The following LIMD1 variants were observed in gnomAD, a reference collection of about 807,000 sequenced individuals.
LIMD1 encodes the protein LIM domain-containing protein 1.
Under a neutral mutation model 58.4 loss-of-function variants are expected in LIMD1, and 23 were observed. That is an observed-to-expected ratio of 0.39 (90% CI 0.28 to 0.56). LIMD1 has a LOEUF of 0.56. Ranked by LOEUF, LIMD1 falls within the 20% of genes least tolerant of loss-of-function variation. LIMD1 has a pLI of 0.57. For synonymous variants in LIMD1, 334 were observed against 345.5 expected (o/e 0.97, Z 0.37); for missense variants, 838 against 855.5 (o/e 0.98, Z 0.25).
chr3:45,609,674 T>C, intron 1 of LIMD1, among the ~76,000 whole-genome samples: 1 of 152,206 alleles, frequency 6.6e-6, no homozygotes. Flanking sequence ...AAAAAGTAGT[T>C]CCAAGCCAGG....
chr3:45,601,982 G>A lies in LIMD1; in HGVS notation c.1408+5695G>A, dbSNP rs921405305. Among the ~76,000 whole-genome samples the A allele has an allele frequency of 6.5e-4, 96 of 148,336 alleles. 2 individuals carry two copies. The highest frequency in any genetic ancestry group is 2.2e-3 in the African/African-American group (89 of 39,702). ...TTTTGAGACAGAGTCTCGCTCTGTC[G>A]CCCAGGATGGAGTGCAGTGGCGCGA... On this transcript the variant is annotated intron_variant, in intron 1 of 7. Transcript: ENST00000273317.
intron 2 of LIMD1, among the ~76,000 whole-genome samples, chr3:45,641,774 C>T (rs1701846181): frequency 1.3e-5 from 2 of 152,212 alleles, no homozygotes; most frequent in African/African-American, 4.8e-5. Context: ...TTCCTGGGTC[C>T]TTGTCCCATA....
chr3:45,618,903 G>C (rs997404046), intron 1 of LIMD1, among the ~76,000 whole-genome samples: 1 of 152,172 alleles, frequency 6.6e-6, no homozygotes, highest in East Asian at 1.9e-4. Context: ...GAGTGGACCC[G>C]AATTCTGGGG....
At chr3:45,674,917 A>G (rs1004402459) in intron 7 of LIMD1, among the ~76,000 whole-genome samples, 4 of 152,244 alleles carry the variant, frequency 2.6e-5, no homozygotes, top group Non-Finnish European at 5.9e-5. Context: ...TCCCAACCCA[A>G]GATGAAGGAG....
Position 45,668,509 on chromosome 3 carries a change from G to A in LIMD1, c.1641+153G>A, listed in dbSNP as rs191032930. Among the ~76,000 whole-genome samples, 89 of 152,336 alleles carry A rather than the reference G, an allele frequency of 5.8e-4. 2 individuals carry two copies. The highest frequency in any genetic ancestry group is 2.0e-3 in the African/African-American group (85 of 41,572). ...CTCATGCCTGTAATCCCAGCACTTTGGGAGGCCGAGGCGGGCGGATCACGA... is the reference window on the plus strand; with the variant it reads ...CTCATGCCTGTAATCCCAGCACTTTAGGAGGCCGAGGCGGGCGGATCACGA... On this transcript the variant is annotated intron_variant, in intron 4 of 7. Transcript: ENST00000273317.
intron 2 of LIMD1, among the ~76,000 whole-genome samples, chr3:45,659,150 A>G (rs549063521): frequency 6.6e-6 from 1 of 152,344 alleles, no homozygotes; most frequent in East Asian, 1.9e-4. Flanking sequence ...TTAAAATATT[A>G]AAGTATATAA....
intron 1 of LIMD1, 151 bp downstream of exon 1, chr3:45,596,438 A>C (rs1430196619): frequency 1.5e-6 from 1 of 672,996 alleles, no homozygotes; most frequent in African/African-American, 1.8e-5. Flanking sequence ...TTCCTCTTTC[A>C]GCTGCTTTTT....
In LIMD1 at chr3:45,680,783, G is replaced by C. The variant is rs982991585; in HGVS notation, c.*3724G>C. The C allele has an allele frequency of 1.3e-5, 2 of 152,252 alleles. No individual in the cohort carries two copies. The highest frequency in any genetic ancestry group is 4.8e-5 in the African/African-American group (2 of 41,458). 9.4% of individuals were successfully genotyped at this position (152,252 alleles called of 1,614,324 possible). A position where few individuals can be genotyped will look rare whatever the true frequency, so the allele number is the denominator to read the frequency against. On this transcript the variant is annotated 3_prime_UTR_variant, in exon 8 of 8. Transcript: ENST00000273317. Reference sequence around the variant, plus strand: ...CCCAGCACTTTGAGAGGCTGAGGCGGGTGGATCACTTAAGGTCAGGAGTTA... The same window carrying C: ...CCCAGCACTTTGAGAGGCTGAGGCGCGTGGATCACTTAAGGTCAGGAGTTA...
At chr3:45,602,857 T>C (rs1701429675) in intron 1 of LIMD1, among the ~76,000 whole-genome samples, 1 of 151,830 alleles carries the variant, frequency 6.6e-6, no homozygotes, top group East Asian at 1.9e-4. Context: ...TTTTTTAAAT[T>C]GAGACGGAGG....
rs1259806747 is a variant in LIMD1 at position 45,672,788 on chromosome 3, G to A, written c.1740G>A (p.Glu580=). 3 of 1,614,038 alleles carry A rather than the reference G, an allele frequency of 1.9e-6. No homozygotes were observed. The highest frequency in any genetic ancestry group is 2.7e-5 in the African/African-American group (2 of 75,030). ...GGGTGCCCTTCACCGTGGACTCAGA[G>A]AACAAGATCTACTGTGTCCGAGATT... ...LDGVPFTVDS[E]NKIYCVRDYH... is the part of the protein sequence containing the mutation. Residue 580 remains glutamate, a synonymous_variant, in exon 5 of 8, where the codon GAG becomes GAA. Transcript: ENST00000273317.
intron 2 of LIMD1, among the ~76,000 whole-genome samples, chr3:45,658,839 G>C (rs1697388099): frequency 6.6e-6 from 1 of 151,954 alleles, no homozygotes; most frequent in Admixed American, 6.6e-5. Context: ...ACAGGCATGA[G>C]CCACCGTGCC....
intron 2 of LIMD1, among the ~76,000 whole-genome samples, chr3:45,641,347 T>A (rs1701840181): frequency 6.6e-6 from 1 of 152,174 alleles, no homozygotes; most frequent in South Asian, 2.1e-4. Flanking sequence ...TTTTCTCTGT[T>A]CTTTATCTTA....
At position 45,679,261 on chromosome 3, in the gene LIMD1, GA is replaced by G. The variant is rs1697708432; in HGVS notation, c.*2205del. 1 of 152,114 alleles carries G rather than the reference GA, an allele frequency of 6.6e-6. No individual in the cohort carries two copies. The highest frequency in any genetic ancestry group is 6.5e-5 in the Admixed American group (1 of 15,280). 9.4% of individuals were successfully genotyped at this position (152,114 alleles called of 1,614,324 possible). A position where few individuals can be genotyped will look rare whatever the true frequency, so the allele number is the denominator to read the frequency against. On this transcript the variant is annotated 3_prime_UTR_variant, in exon 8 of 8. Coordinates refer to ENST00000273317, the MANE Select transcript of LIMD1 (RefSeq NM_014240.3). ...CGAATATACCATTTTATATTGTTGA[GA>G]AAGAACAAAAAGGGAATTTCCAGAT...
At chr3:45,601,965 CAG>C (rs1701418045) in intron 1 of LIMD1, among the ~76,000 whole-genome samples, 1 of 146,128 alleles carries the variant, frequency 6.8e-6, no homozygotes, top group Non-Finnish European at 1.5e-5. Context: ...TTTTTTGAGA[CAG>C]AGTCTCGCTC....
chr3:45,685,711 C>T lies in LIMD1; in HGVS notation c.*8652C>T, dbSNP rs538621630. On this transcript the variant is annotated 3_prime_UTR_variant, in exon 8 of 8. Coordinates refer to ENST00000273317, the MANE Select transcript of LIMD1 (RefSeq NM_014240.3). Reference sequence around the variant, plus strand: ...ACGGCCTTGGAGTCAAGAGCCCAGACTCACATTCTATCTCAGGCTTCATAA... The same window carrying T: ...ACGGCCTTGGAGTCAAGAGCCCAGATTCACATTCTATCTCAGGCTTCATAA... The T allele has an allele frequency of 3.8e-4, 58 of 152,352 alleles. No homozygotes were observed. The highest frequency in any genetic ancestry group is 2.4e-3 in the Admixed American group (36 of 15,300). 9.4% of individuals were successfully genotyped at this position (152,352 alleles called of 1,614,324 possible).
At position 45,678,171 on chromosome 3, in the gene LIMD1, T is replaced by A. The variant is rs1022816899; in HGVS notation, c.*1112T>A. The A allele has an allele frequency of 1.3e-5, 2 of 152,658 alleles. No homozygotes were observed. The highest frequency in any genetic ancestry group is 2.9e-5 in the Non-Finnish European group (2 of 68,040). The allele number at this position is 152,658 out of a possible 1,614,324, so 9.5% of individuals were successfully genotyped here. On this transcript the variant is annotated 3_prime_UTR_variant, in exon 8 of 8. Transcript: ENST00000273317. ...AAACCAGGATAAGGTACACTGCTTT[T>A]GTCTGTTTAATTTTTTTAGTTGTTT...
intron 1 of LIMD1, among the ~76,000 whole-genome samples, chr3:45,623,615 G>A (rs935064430): frequency 2.0e-5 from 3 of 152,168 alleles, no homozygotes; most frequent in African/African-American, 7.2e-5. Context: ...AAAAAAAGTA[G>A]GCTGGCACAA....
intron 1 of LIMD1, among the ~76,000 whole-genome samples, chr3:45,604,464 T>C (rs1335179823): frequency 6.6e-6 from 1 of 152,172 alleles, no homozygotes; most frequent in East Asian, 1.9e-4. Flanking sequence ...AGGTCAATGA[T>C]GCATACGTGT....
At chr3:45,627,708 A>C (rs1470465448) in intron 1 of LIMD1, among the ~76,000 whole-genome samples, 1 of 142,950 alleles carries the variant, frequency 7.0e-6, no homozygotes, top group African/African-American at 2.6e-5. Flanking sequence ...AAAACAACCA[A>C]AAAAAAAAAA....
Sources: gnomAD v4.1 joint callset for allele counts (sites outside exome capture counted in the v4.1 genomes callset) on GRCh38, gnomAD v4.1.1 for gene constraint, MANE v1.5 for transcripts, NCBI Gene and HGNC (gene_info 2026-07-23, HGNC 2026-07-21) for gene names.